CLPB: variants seen among roughly 807,000 people sequenced by gnomAD.
CLPB encodes mitochondrial disaggregase.
CLPB carries 40 observed loss-of-function variants against 78.4 expected under a neutral mutation model. The ratio of observed to expected loss-of-function variants is 0.51; its 90% CI spans 0.40 to 0.66. The LOEUF is 0.66. CLPB is among the 30% of genes least tolerant of loss of function. The pLI is 0.00. For synonymous variants in CLPB, 333 were observed against 348.0 expected (o/e 0.96, Z 0.48); for missense variants, 780 against 886.9 (o/e 0.88, Z 1.53).
At chr11:72,336,299 T>C (rs1335925250) in intron 5 of CLPB, among the ~76,000 whole-genome samples, 1 of 152,144 alleles carries the variant, frequency 6.6e-6, no homozygotes, top group Non-Finnish European at 1.5e-5. Context: ...ATGATTAACA[T>C]TGACATTCAT....
chr11:72,331,616 C>T (rs1407334208), intron 5 of CLPB, among the ~76,000 whole-genome samples: 1 of 144,446 alleles, frequency 6.9e-6, no homozygotes, highest in Non-Finnish European at 1.5e-5. Context: ...ACTCTGTTGC[C>T]CAGGCTGGAG....
chr11:72,310,436 C>G (rs778960513), intron 7 of CLPB, among the ~76,000 whole-genome samples: 2 of 152,168 alleles, frequency 1.3e-5, no homozygotes, highest in Non-Finnish European at 2.9e-5. Context: ...ACCCACAGAC[C>G]TCATAGGTAC....
At chr11:72,374,969 T>A in intron 4 of CLPB, among the ~76,000 whole-genome samples, 1 of 152,192 alleles carries the variant, frequency 6.6e-6, no homozygotes, top group Non-Finnish European at 1.5e-5. Context: ...CAGACCCACA[T>A]ATCTAACTAT....
At chr11:72,308,930 T>C (rs1025549925) in intron 7 of CLPB, among the ~76,000 whole-genome samples, 1 of 151,996 alleles carries the variant, frequency 6.6e-6, no homozygotes, top group Non-Finnish European at 1.5e-5. Flanking sequence ...TGAAGGAGAA[T>C]TCGAGAGGAA....
intron 4 of CLPB, among the ~76,000 whole-genome samples, chr11:72,375,038 C>G (rs75754204): frequency 0.031 from 4,663 of 152,278 alleles, 78 homozygotes; most frequent in Non-Finnish European, 0.038. Flanking sequence ...TCAATTCTCA[C>G]AATCCACTGA....
At chr11:72,401,436 G>A (rs181475811) in intron 3 of CLPB, among the ~76,000 whole-genome samples, 8 of 151,774 alleles carry the variant, frequency 5.3e-5, no homozygotes, top group African/African-American at 1.7e-4. Context: ...GTGAGACTCC[G>A]TCTCAAAAAA....
At chr11:72,417,879 C>A (rs745517269) in intron 2 of CLPB, among the ~76,000 whole-genome samples, 13 of 152,182 alleles carry the variant, frequency 8.5e-5, no homozygotes, top group Non-Finnish European at 1.6e-4. Context: ...GACTCTTGAG[C>A]CCTTGGGAAT....
intron 4 of CLPB, among the ~76,000 whole-genome samples, chr11:72,373,790 A>T (rs548950822): frequency 5.9e-5 from 9 of 152,096 alleles, no homozygotes; most frequent in Admixed American, 2.6e-4. Context: ...TACTAAAAGT[A>T]TTAGTAAAAT....
At position 72,405,946 on chromosome 11, in the gene CLPB, C is replaced by T. The variant is rs1173567777; in HGVS notation, c.456-2894G>A. ...CTGTCTCAAAAAAAAAAAAAGAATC[C>T]TCTTCAAAATAGGTTCCAATCAGCC... is the stretch of plus-strand genomic sequence containing the variant. On this transcript the variant is annotated intron_variant, in intron 2 of 15. Transcript: ENST00000538039. 2.0e-5 allele frequency among the ~76,000 whole-genome samples: 3 copies of T among 151,886 alleles called. No homozygotes were observed. The East Asian group carries it at 5.8e-4, about 29-fold the overall frequency.
intron 5 of CLPB, among the ~76,000 whole-genome samples, chr11:72,357,621 G>A (rs1031556317): frequency 2.2e-4 from 33 of 150,806 alleles, no homozygotes; most frequent in Admixed American, 1.8e-3. Context: ...GCTTGAACCC[G>A]GGAGGCAGAG....
chr11:72,295,443 G>T, intron 12 of CLPB, 49 bp downstream of exon 12: 1 of 1,594,354 alleles, frequency 6.3e-7, no homozygotes, highest in Non-Finnish European at 8.6e-7. Flanking sequence ...CCAGGAGATA[G>T]GCTGGTGGCT....
chr11:72,424,658 G>A lies in CLPB; in HGVS notation c.455+5654C>T, dbSNP rs149037346. On this transcript the variant is annotated intron_variant, in intron 2 of 15. Transcript: ENST00000538039. ...CGCCTGTAATCCCAGCACTTTGGGAGGCCGAGGCGGGCGGATCACGAGGTC... is the reference window on the plus strand; with the variant it reads ...CGCCTGTAATCCCAGCACTTTGGGAAGCCGAGGCGGGCGGATCACGAGGTC... 6.0e-3 allele frequency among the ~76,000 whole-genome samples: 910 copies of A among 152,292 alleles called. 13 individuals are homozygous for A. Among genetic ancestry groups the A allele is most frequent in the African/African-American group, 0.021 (871 of 41,552 alleles).
rs1949477416 is a variant in CLPB, at chr11:72,292,992, G to A, written c.*375C>T. On this transcript the variant is annotated 3_prime_UTR_variant, in exon 16 of 16. Transcript: ENST00000538039. ...TCTGGTCCCTGTCTTCTTCCAGCCAGCTGTGTTCTTAGCTGCCATACTTCT... is the reference window on the plus strand; with the variant it reads ...TCTGGTCCCTGTCTTCTTCCAGCCAACTGTGTTCTTAGCTGCCATACTTCT... The A allele has an allele frequency of 4.9e-6, 1 of 202,036 alleles. No homozygotes were observed. Among genetic ancestry groups the A allele is most frequent in the South Asian group, 1.0e-4 (1 of 9,844 alleles). 12.5% of individuals were successfully genotyped at this position (202,036 alleles called of 1,614,324 possible).
chr11:72,345,736 T>G (rs1370156997), intron 5 of CLPB, among the ~76,000 whole-genome samples: 2 of 152,006 alleles, frequency 1.3e-5, no homozygotes, highest in African/African-American at 4.8e-5. Context: ...AATTGAAAAA[T>G]TAACCCAACT....
intron 5 of CLPB, among the ~76,000 whole-genome samples, chr11:72,356,219 G>C (rs1382519555): frequency 6.6e-6 from 1 of 151,636 alleles, no homozygotes; most frequent in African/African-American, 2.4e-5. Context: ...CGGAGGTTGT[G>C]GCAAGCCGAG....
At position 72,289,173 on chromosome 11, in the gene CLPB, G is replaced by C. The variant is rs1323681138; in HGVS notation, c.*4194C>G. On this transcript the variant is annotated 3_prime_UTR_variant, in exon 16 of 16. Transcript: ENST00000538039. The stretch of plus-strand genomic sequence containing the variant: ...CAGAGTGTTGGGATTACAGGCATGA[G>C]CCACCACGCCCGGCCAGAAGTGATT... 1 of 152,262 alleles carries C rather than the reference G, an allele frequency of 6.6e-6. No individual in the cohort carries two copies. The highest frequency in any genetic ancestry group is 6.5e-5 in the Admixed American group (1 of 15,276). 9.4% of individuals were successfully genotyped at this position (152,262 alleles called of 1,614,324 possible). A position where few individuals can be genotyped will look rare whatever the true frequency, so the allele number is the denominator to read the frequency against.
At chr11:72,359,733 A>G (rs1219067812) in intron 4 of CLPB, among the ~76,000 whole-genome samples, 1 of 152,162 alleles carries the variant, frequency 6.6e-6, no homozygotes, top group Non-Finnish European at 1.5e-5. Flanking sequence ...ATCCCCTATA[A>G]AATTGGAATT....
intron 3 of CLPB, among the ~76,000 whole-genome samples, chr11:72,383,231 A>G (rs1002342910): frequency 5.9e-5 from 9 of 151,958 alleles, no homozygotes; most frequent in African/African-American, 2.2e-4. Flanking sequence ...AACTATCAAA[A>G]ATTAAAAGAC....
chr11:72,362,228 C>T (rs984237250), intron 4 of CLPB, among the ~76,000 whole-genome samples: 4 of 152,220 alleles, frequency 2.6e-5, no homozygotes, highest in Non-Finnish European at 4.4e-5. Context: ...ATTCCTCCTA[C>T]GTTTGAGGTA....
Sources: gnomAD v4.1 joint callset for allele counts (sites outside exome capture counted in the v4.1 genomes callset) on GRCh38, gnomAD v4.1.1 for gene constraint, MANE v1.5 for transcripts, NCBI Gene and HGNC (gene_info 2026-07-23, HGNC 2026-07-21) for gene names.